THADA: variants seen among roughly 807,000 people sequenced by gnomAD.
THADA encodes the protein THADA armadillo repeat containing, also known as tRNA (32-2'-O)-methyltransferase regulator THADA.
In THADA, 213 loss-of-function variants were observed where a neutral mutation model predicts 219.8. That is an observed-to-expected ratio of 0.97 (90% CI 0.87 to 1.09). The LOEUF is 1.09. THADA is among the 50% of genes least tolerant of loss of function. The pLI, the probability that THADA is intolerant of heterozygous loss-of-function variation, is 0.00. For synonymous variants in THADA, 1,018 were observed against 828.9 expected (o/e 1.23, Z -3.92); for missense variants, 2,956 against 2,311.3 (o/e 1.28, Z -5.72).
In THADA at chr2:43,534,887, T is replaced by C. The variant is rs185118731; in HGVS notation, c.3264+6272A>G. Among the ~76,000 whole-genome samples, 367 of 152,252 alleles carry C rather than the reference T, an allele frequency of 2.4e-3. 2 individuals are homozygous for C. Among genetic ancestry groups the C allele is most frequent in the Middle Eastern group, 0.01 (3 of 294 alleles). ...GTAGTGGGATTGCTGGATCATACGG[T>C]ATTTCTATGTGTAGTTTTTAGAGGA... is the stretch of plus-strand genomic sequence containing the variant. On this transcript the variant is annotated intron_variant, in intron 21 of 37. Transcript: ENST00000405975.
chr2:43,359,741 T>C (rs1308489943), intron 29 of THADA, among the ~76,000 whole-genome samples: 1 of 151,818 alleles, frequency 6.6e-6, no homozygotes, highest in Non-Finnish European at 1.5e-5. Context: ...TTGGCTGATC[T>C]GACAATAAAC....
chr2:43,425,374 ACTT>A (rs1194219603), intron 28 of THADA, among the ~76,000 whole-genome samples: 2 of 151,820 alleles, frequency 1.3e-5, no homozygotes, highest in African/African-American at 2.4e-5. Flanking sequence ...GTCAAAATCT[ACTT>A]CTTAATAAAT....
At chr2:43,416,291 C>G (rs1676959129) in intron 28 of THADA, among the ~76,000 whole-genome samples, 1 of 152,194 alleles carries the variant, frequency 6.6e-6, no homozygotes. Flanking sequence ...ACACATCTGT[C>G]AGTAACAATT....
intron 8 of THADA, among the ~76,000 whole-genome samples, chr2:43,579,516 C>T (rs565053018): frequency 5.9e-5 from 9 of 152,292 alleles, no homozygotes; most frequent in African/African-American, 2.2e-4. Context: ...TCATAAACTA[C>T]GTACTAAATA....
intron 2 of THADA, 37 bp downstream of exon 2, chr2:43,592,280 G>GA (rs1701660225): frequency 2.7e-6 from 4 of 1,493,096 alleles, no homozygotes; most frequent in Non-Finnish European, 2.7e-6. Flanking sequence ...TTGCAAACTA[G>GA]AAAAAAATAT....
intron 22 of THADA, 54 bp from the exon 23 acceptor site, chr2:43,508,834 C>T (rs1158462141): frequency 1.3e-6 from 2 of 1,564,488 alleles, no homozygotes; most frequent in East Asian, 2.2e-5. Context: ...GTTAAAAGTA[C>T]AAACTATTGA....
intron 31 of THADA, among the ~76,000 whole-genome samples, chr2:43,297,547 T>TG (rs1419914840): frequency 1.1e-4 from 8 of 72,500 alleles, no homozygotes; most frequent in Non-Finnish European, 2.0e-4. Flanking sequence ...GGGAGGGAGG[T>TG]GGGGGGGTCA....
At chr2:43,533,781 T>A (rs1272034935) in intron 21 of THADA, among the ~76,000 whole-genome samples, 2 of 151,976 alleles carry the variant, frequency 1.3e-5, no homozygotes, top group African/African-American at 4.8e-5. Flanking sequence ...AGGACAAATA[T>A]CTAATGCATG....
chr2:43,455,935 TTGACTTTA>T (rs983769113), intron 26 of THADA, among the ~76,000 whole-genome samples: 1 of 152,228 alleles, frequency 6.6e-6, no homozygotes. Flanking sequence ...GTAGCTCTTT[TTGACTTTA>T]TGACCTTATT....
intron 36 of THADA, among the ~76,000 whole-genome samples, chr2:43,278,152 T>C (rs765880172): frequency 2.6e-5 from 4 of 152,078 alleles, no homozygotes; most frequent in Non-Finnish European, 5.9e-5. Flanking sequence ...GGTTTCACCA[T>C]ATTGGCCAGG....
At chr2:43,495,975 TC>T (rs1688229906) in intron 25 of THADA, among the ~76,000 whole-genome samples, 1 of 152,196 alleles carries the variant, frequency 6.6e-6, no homozygotes, top group African/African-American at 2.4e-5. Context: ...CGCACAATTT[TC>T]TAGGCAAGAG....
At chr2:43,376,966 T>A (rs1331860844) in intron 29 of THADA, among the ~76,000 whole-genome samples, 2 of 152,164 alleles carry the variant, frequency 1.3e-5, no homozygotes, top group Non-Finnish European at 2.9e-5. Flanking sequence ...AAAATTCAGG[T>A]CACCTCCTCA....
At chr2:43,505,208 C>A (rs6544667) in intron 24 of THADA, among the ~76,000 whole-genome samples, 5 of 151,846 alleles carry the variant, frequency 3.3e-5, no homozygotes, top group Admixed American at 1.3e-4. Flanking sequence ...ATAGATGCAA[C>A]AGTATTATAA....
intron 26 of THADA, among the ~76,000 whole-genome samples, chr2:43,469,633 T>G (rs1458227725): frequency 1.3e-5 from 2 of 152,218 alleles, no homozygotes; most frequent in East Asian, 3.8e-4. Context: ...TTATATTCTT[T>G]AACCCAGCAT....
At chr2:43,291,993 T>A in intron 33 of THADA, 111 bp downstream of exon 33, 1 of 798,592 alleles carries the variant, frequency 1.3e-6, no homozygotes, top group Non-Finnish European at 2.0e-6. Context: ...AGGTTTAGAA[T>A]GAAATACAGG....
intron 9 of THADA, among the ~76,000 whole-genome samples, chr2:43,577,577 C>T (rs953524273): frequency 1.3e-5 from 2 of 150,318 alleles, no homozygotes; most frequent in Non-Finnish European, 3.0e-5. Flanking sequence ...AAATAAACAT[C>T]TTCGACTTAT....
At chr2:43,291,872 G>A (rs188339755) in intron 33 of THADA, 104 bp from the exon 34 acceptor site, 6 of 1,054,126 alleles carry the variant, frequency 5.7e-6, no homozygotes, top group East Asian at 5.5e-5. Context: ...GGTGAATACT[G>A]AAAATCTCTA....
chr2:43,415,239 A>G (rs1006813153), intron 28 of THADA, among the ~76,000 whole-genome samples: 1 of 152,234 alleles, frequency 6.6e-6, no homozygotes, highest in African/African-American at 2.4e-5. Flanking sequence ...ATGAAAATCT[A>G]CAAGGTTTAG....
chr2:43,537,339 G>A lies in THADA; in HGVS notation c.3264+3820C>T, dbSNP rs370187097. On this transcript the variant is annotated intron_variant, in intron 21 of 37. Coordinates refer to ENST00000405975, the MANE Select transcript of THADA (RefSeq NM_022065.5). ...CTATTGTATTTCTAAGCCCTTTGAC[G>A]TCACAGAACCACATACTATGTACTT... Among the ~76,000 whole-genome samples, 20 of 152,170 alleles carry A rather than the reference G, an allele frequency of 1.3e-4. No homozygotes were observed. In the South Asian group the frequency reaches 3.3e-3, roughly 25 times the overall value.
Sources: allele counts gnomAD v4.1 joint callset (sites outside exome capture counted in the v4.1 genomes callset), GRCh38; gene constraint gnomAD v4.1.1; transcripts MANE v1.5; gene names NCBI Gene and HGNC (gene_info 2026-07-23, HGNC 2026-07-21).